The following AOPEP variants were observed in gnomAD, a reference collection of about 807,000 sequenced individuals.
AOPEP encodes the protein aminopeptidase O (putative).
Under a neutral mutation model 98.1 loss-of-function variants are expected in AOPEP, and 77 were observed. The ratio of observed to expected loss-of-function variants is 0.78; its 90% CI spans 0.65 to 0.95. AOPEP has a LOEUF of 0.95. Among genes scored for constraint, AOPEP ranks in the 40% least tolerant of loss-of-function variants. AOPEP has a pLI of 0.00. For missense variants in AOPEP, 1,024 were observed against 1,024.7 expected, an observed-to-expected ratio of 1.00 and a Z score of 0.01; for synonymous variants, 346 against 365.3, an observed-to-expected ratio of 0.95 and a Z score of 0.60.
chr9:94,824,907 A>C (rs1854152904), intron 5 of AOPEP: 2 of 133,352 alleles, frequency 1.5e-5, no homozygotes, highest in African/African-American at 2.8e-5. Flanking sequence ...TGACAACAGC[A>C]TTTTCCTGTG....
At chr9:95,025,692 A>C (rs1458123806) in intron 13 of AOPEP, among the ~76,000 whole-genome samples, 1 of 152,228 alleles carries the variant, frequency 6.6e-6, no homozygotes, top group Non-Finnish European at 1.5e-5. Flanking sequence ...TTTGGGAGGT[A>C]AGTGACTTGT....
the AOPEP span, among the ~76,000 whole-genome samples, chr9:95,096,810 T>G: frequency 1.3e-5 from 2 of 152,240 alleles, no homozygotes; most frequent in Admixed American, 6.5e-5. Flanking sequence ...TACGCTTCAC[T>G]TTCAGAGCTT....
chr9:95,102,915 G>C, the AOPEP span, among the ~76,000 whole-genome samples: 1 of 152,164 alleles, frequency 6.6e-6, no homozygotes, highest in African/African-American at 2.4e-5. Flanking sequence ...CCTGCAACGA[G>C]CCCGCCAGGG....
intron 5 of AOPEP, among the ~76,000 whole-genome samples, chr9:94,884,092 A>T (rs1298399787): frequency 1.3e-5 from 2 of 152,178 alleles, no homozygotes; most frequent in Non-Finnish European, 2.9e-5. Context: ...AGCTGCTTGG[A>T]CCTGCCCTCT....
At chr9:94,954,098 G>T (rs916661893) in intron 7 of AOPEP, among the ~76,000 whole-genome samples, 3 of 152,128 alleles carry the variant, frequency 2.0e-5, no homozygotes, top group Non-Finnish European at 4.4e-5. Context: ...TGAGGTGGAC[G>T]GATGGCTTGA....
chr9:94,915,233 G>A (rs1564372360), intron 5 of AOPEP, among the ~76,000 whole-genome samples: 1 of 152,168 alleles, frequency 6.6e-6, no homozygotes, highest in Non-Finnish European at 1.5e-5. Flanking sequence ...AAAATACTTA[G>A]AACTTTGCCT....
intron 7 of AOPEP, among the ~76,000 whole-genome samples, chr9:94,945,959 AC>A (rs2057570648): frequency 6.6e-6 from 1 of 152,238 alleles, no homozygotes; most frequent in East Asian, 1.9e-4. Context: ...TGGCTGAGTC[AC>A]TATGATCACC....
At position 94,866,779 on chromosome 9, in the gene AOPEP, A is replaced by ATCCC. The variant is rs2045752534; in HGVS notation, c.1365-57207_1365-57206insTCCC. On this transcript the variant is annotated intron_variant, in intron 5 of 16. Coordinates refer to ENST00000375315, the MANE Select transcript of AOPEP (RefSeq NM_001193329.3). Reference sequence around the variant, plus strand: ...AAATAAAGCTTATTGGTTGATTAAAAATACAGCCAGCATCAATGTAACCAG... The same window carrying ATCCC: ...AAATAAAGCTTATTGGTTGATTAAAATCCCATACAGCCAGCATCAATGTAACCAG... 2.0e-5 allele frequency among the ~76,000 whole-genome samples: 3 copies of ATCCC among 152,350 alleles called. No individual in the cohort carries two copies. In the South Asian group the frequency reaches 6.2e-4, roughly 32 times the overall value.
chr9:94,937,806 T>C (rs2056491057), intron 7 of AOPEP, among the ~76,000 whole-genome samples: 1 of 152,242 alleles, frequency 6.6e-6, no homozygotes, highest in South Asian at 2.1e-4. Flanking sequence ...CTACATGATT[T>C]GGTCATTCTT....
intron 13 of AOPEP, chr9:95,021,704 G>C (rs2063472160): frequency 6.6e-6 from 1 of 152,374 alleles, no homozygotes; most frequent in Admixed American, 6.5e-5. Context: ...GGGGCCTGCT[G>C]TGTGACCACA....
At chr9:94,740,652 CA>C (rs901939167) in intron 1 of AOPEP, among the ~76,000 whole-genome samples, 2 of 152,010 alleles carry the variant, frequency 1.3e-5, no homozygotes, top group African/African-American at 4.8e-5. Flanking sequence ...ATGCAGGACA[CA>C]AGATCACATG....
At chr9:95,111,361 A>G in the AOPEP span, 1 of 1,597,910 alleles carries the variant, frequency 6.3e-7, no homozygotes, top group Admixed American at 1.7e-5. Context: ...GGCAGAGCTC[A>G]GGTGTCATGG....
At chr9:95,005,691 C>A in intron 13 of AOPEP, 75 bp downstream of exon 13, 4 of 1,151,612 alleles carry the variant, frequency 3.5e-6, no homozygotes, top group Non-Finnish European at 5.3e-6. Context: ...CTGGTCATGA[C>A]AATAGAGTAG....
intron 13 of AOPEP, among the ~76,000 whole-genome samples, chr9:95,038,556 A>G (rs367780398): frequency 1.2e-4 from 18 of 152,342 alleles, no homozygotes; most frequent in African/African-American, 4.3e-4. Flanking sequence ...AATAAAGACA[A>G]AGCAGCTATA....
At chr9:94,961,013 C>CAAA (rs71496990) in intron 9 of AOPEP, among the ~76,000 whole-genome samples, 48,165 of 117,858 alleles carry the variant, frequency 0.41, 9,059 homozygotes, top group Non-Finnish European at 0.45. Context: ...GAATCTGTCT[C>CAAA]AAAAAAAAAA....
intron 11 of AOPEP, among the ~76,000 whole-genome samples, chr9:95,004,729 G>A (rs1250084489): frequency 1.4e-5 from 2 of 144,418 alleles, no homozygotes; most frequent in Non-Finnish European, 3.0e-5. Context: ...CGGGGGCAAG[G>A]TGCGCGGGGG....
intron 13 of AOPEP, among the ~76,000 whole-genome samples, chr9:95,013,115 C>T (rs943050671): frequency 2.6e-5 from 4 of 151,734 alleles, no homozygotes; most frequent in Middle Eastern, 3.5e-3. Context: ...GTGACCTTTG[C>T]TTTCCTCTGA....
At chr9:95,126,357 T>G in the AOPEP span, among the ~76,000 whole-genome samples, 4 of 152,220 alleles carry the variant, frequency 2.6e-5, no homozygotes, top group African/African-American at 7.2e-5. Context: ...AAATTTACAC[T>G]GATTTTTGAG....
At chr9:95,131,376 T>C in the AOPEP span, among the ~76,000 whole-genome samples, 1 of 152,232 alleles carries the variant, frequency 6.6e-6, no homozygotes, top group Admixed American at 6.5e-5. Flanking sequence ...TGAGTGGCAA[T>C]GACCCCTACG....
Sources: gnomAD v4.1 joint callset for allele counts (sites outside exome capture counted in the v4.1 genomes callset) on GRCh38, gnomAD v4.1.1 for gene constraint, MANE v1.5 for transcripts, NCBI Gene and HGNC (gene_info 2026-07-23, HGNC 2026-07-21) for gene names.